STOM: variants seen among roughly 807,000 people sequenced by gnomAD.
STOM encodes the protein erythrocyte band 7 integral membrane protein.
A neutral mutation model predicts 30.6 loss-of-function variants in STOM; 25 were observed. The observed-to-expected ratio is 0.82, with a 90% confidence interval of 0.60 to 1.14. STOM has a LOEUF of 1.14. STOM is among the 50% of genes most tolerant of loss of function. STOM has a pLI of 0.00. For synonymous variants in STOM, 118 were observed against 130.8 expected (o/e 0.90, Z 0.67); for missense variants, 292 against 365.2 (o/e 0.80, Z 1.63).
In STOM at chr9:121,340,678, A is replaced by T. The variant is rs2064237896; in HGVS notation, c.*524T>A. 5 of 861,828 alleles carry T rather than the reference A, an allele frequency of 5.8e-6. 1 individual carries two copies. In the South Asian group the frequency reaches 1.6e-4, roughly 27 times the overall value. The allele number at this position is 861,828 out of a possible 1,614,324, so 53.4% of individuals were successfully genotyped here. A position where few individuals can be genotyped will look rare whatever the true frequency, so the allele number is the denominator to read the frequency against. ...GGCAGGAGAATCTCTTGAACCCAGGAGGCGGAGGTTGCAGTGAGCCGAGAT... is the reference window on the plus strand; with the variant it reads ...GGCAGGAGAATCTCTTGAACCCAGGTGGCGGAGGTTGCAGTGAGCCGAGAT... On this transcript the variant is annotated 3_prime_UTR_variant, in exon 7 of 7. Transcript: ENST00000286713.
At chr9:121,349,886 T>C (rs976421027) in intron 4 of STOM, among the ~76,000 whole-genome samples, 1 of 152,242 alleles carries the variant, frequency 6.6e-6, no homozygotes, top group African/African-American at 2.4e-5. Context: ...ATTTTTGTTT[T>C]AAGCTAAGAA....
intron 2 of STOM, among the ~76,000 whole-genome samples, chr9:121,355,115 C>T (rs748703505): frequency 7.3e-5 from 11 of 150,416 alleles, no homozygotes; most frequent in Non-Finnish European, 1.2e-4. Flanking sequence ...AAAAATTATC[C>T]GGGTATGGTG....
At chr9:121,355,718 C>T (rs1396727114) in intron 2 of STOM, among the ~76,000 whole-genome samples, 6 of 152,270 alleles carry the variant, frequency 3.9e-5, no homozygotes, top group African/African-American at 1.2e-4. Flanking sequence ...CAGCAAAGGT[C>T]ACACAATAAA....
intron 5 of STOM, 37 bp downstream of exon 5, chr9:121,349,083 A>G (rs771262490): frequency 1.2e-6 from 2 of 1,600,744 alleles, no homozygotes; most frequent in South Asian, 1.1e-5. Flanking sequence ...TTCATTTTTC[A>G]GCTTCTGGGG....
At chr9:121,351,857 A>G (rs1216434490) in intron 4 of STOM, among the ~76,000 whole-genome samples, 1 of 152,238 alleles carries the variant, frequency 6.6e-6, no homozygotes, top group East Asian at 1.9e-4. Context: ...TCACTAGTAT[A>G]AAATATTATG....
Position 121,353,257 on chromosome 9 carries a change from T to A in STOM, c.284A>T (p.Asp95Val). The change falls in exon 4 of 7, where the codon GAC becomes GTC. Residue 95 changes from aspartate (D) to valine (V), a missense_variant. By Grantham distance (152) the Asp-to-Val change is radical. Coordinates refer to ENST00000286713, the MANE Select transcript of STOM (RefSeq NM_004099.6). ...AATATCAAATGAAATAGTTCTCATG[T>A]CCACTTTGATGAAGCTGTCAGTGCA... Reference protein sequence around the residue: ...LPCTDSFIKVDMRTISFDIPP... With the variant: ...LPCTDSFIKVVMRTISFDIPP... 6.2e-7 allele frequency: 1 copy of A among 1,612,072 alleles called. No individual in the cohort carries two copies. Among genetic ancestry groups the A allele is most frequent in the Non-Finnish European group, 8.5e-7 (1 of 1,179,112 alleles).
chr9:121,356,638 T>C (rs896540842), intron 1 of STOM, among the ~76,000 whole-genome samples: 1 of 152,044 alleles, frequency 6.6e-6, no homozygotes, highest in Non-Finnish European at 1.5e-5. Context: ...GTGATTCAGG[T>C]GGCTGTCAGA....
chr9:121,353,113 A>G, intron 4 of STOM, 107 bp downstream of exon 4: 1 of 510,566 alleles, frequency 2.0e-6, no homozygotes, highest in Admixed American at 4.5e-5. Context: ...ACAAACAAAC[A>G]AAAATTTAAA....
intron 6 of STOM, 140 bp from the exon 7 acceptor site, chr9:121,341,548 A>G (rs759278385): frequency 3.7e-6 from 4 of 1,081,384 alleles, no homozygotes; most frequent in Non-Finnish European, 5.2e-6. Context: ...AAGAAAATCA[A>G]TTTCTACATA....
At chr9:121,348,465 G>A (rs1211518991) in intron 5 of STOM, among the ~76,000 whole-genome samples, 1 of 152,198 alleles carries the variant, frequency 6.6e-6, no homozygotes, top group African/African-American at 2.4e-5. Flanking sequence ...ATAAATGGCT[G>A]TGGCTATACT....
rs776475674 is a variant in STOM at position 121,349,219 on chromosome 9, T to G, written c.426A>C (p.Ala142=). The G allele has an allele frequency of 6.2e-7, 1 of 1,614,194 alleles. No individual in the cohort carries two copies. Among genetic ancestry groups the G allele is most frequent in the South Asian group, 1.1e-5 (1 of 91,084 alleles). ...AVANITNADS[A]TRLLAQTTLR... Reference sequence around the variant, plus strand: ...GAGTAGTTTGTGCCAAAAGACGGGTTGCTGAGTCAGCGTTGGTGATATTTG... The same window carrying G: ...GAGTAGTTTGTGCCAAAAGACGGGTGGCTGAGTCAGCGTTGGTGATATTTG... Residue 142 remains alanine (A), a synonymous_variant, in exon 5 of 7, where the codon GCA becomes GCC. Coordinates refer to ENST00000286713, the MANE Select transcript of STOM (RefSeq NM_004099.6).
At chr9:121,355,997 A>T in intron 2 of STOM, 56 bp downstream of exon 2, 1 of 1,329,640 alleles carries the variant, frequency 7.5e-7, no homozygotes, top group East Asian at 2.3e-5. Flanking sequence ...CACACGAAGT[A>T]GGTTTATGGA....
At chr9:121,345,501 T>G (rs1350385915) in intron 6 of STOM, among the ~76,000 whole-genome samples, 1 of 152,194 alleles carries the variant, frequency 6.6e-6, no homozygotes, top group African/African-American at 2.4e-5. Flanking sequence ...ATTTATTTGT[T>G]GAAGAAACTG....
At position 121,340,686 on chromosome 9, in the gene STOM, G is replaced by T; in HGVS notation, c.*516C>A. The T allele has an allele frequency of 1.1e-6, 1 of 907,440 alleles. No homozygotes were observed. Among genetic ancestry groups the T allele is most frequent in the Non-Finnish European group, 1.3e-6 (1 of 758,784 alleles). The allele number at this position is 907,440 out of a possible 1,614,324, so 56.2% of individuals were successfully genotyped here. ...AATCTCTTGAACCCAGGAGGCGGAG[G>T]TTGCAGTGAGCCGAGATCATGCTAT... On this transcript the variant is annotated 3_prime_UTR_variant, in exon 7 of 7. Transcript: ENST00000286713.
intron 2 of STOM, among the ~76,000 whole-genome samples, chr9:121,355,137 T>C (rs2064373455): frequency 6.9e-6 from 1 of 144,838 alleles, no homozygotes; most frequent in African/African-American, 2.6e-5. Context: ...TGGGTGCCTA[T>C]AATCCAAGCT....
Position 121,339,575 on chromosome 9 carries a change from C to T in STOM, c.*1627G>A, listed in dbSNP as rs1200049936. On this transcript the variant is annotated 3_prime_UTR_variant, in exon 7 of 7. Coordinates refer to ENST00000286713, the MANE Select transcript of STOM (RefSeq NM_004099.6). ...TGAGCTAAAGAGAGCTATAAAGGCT[C>T]GTGCTGGGAAAGAAAGCTGTTATGC... is the stretch of plus-strand genomic sequence containing the variant. 11 of 1,231,118 alleles carry T rather than the reference C, an allele frequency of 8.9e-6. No individual in the cohort carries two copies. The highest frequency in any genetic ancestry group is 3.2e-5 in the East Asian group (1 of 31,686). 76.3% of individuals were successfully genotyped at this position (1,231,118 alleles called of 1,614,324 possible).
chr9:121,355,677 G>A (rs2064382104), intron 2 of STOM, among the ~76,000 whole-genome samples: 1 of 152,126 alleles, frequency 6.6e-6, no homozygotes, highest in African/African-American at 2.4e-5. Flanking sequence ...AGTAGGTACT[G>A]TTACTTTCTC....
At chr9:121,361,107 G>GGAA (rs547764395) in intron 1 of STOM, among the ~76,000 whole-genome samples, 246 of 152,266 alleles carry the variant, frequency 1.6e-3, no homozygotes, top group Middle Eastern at 6.8e-3. Flanking sequence ...TTTTTACAGA[G>GGAA]GAAGCCCTCT....
intron 6 of STOM, among the ~76,000 whole-genome samples, chr9:121,345,684 T>A (rs1484676008): frequency 2.6e-5 from 4 of 152,160 alleles, no homozygotes; most frequent in Non-Finnish European, 5.9e-5. Context: ...CCCGTCCAAG[T>A]GGGAGCATGG....
Sources: gnomAD v4.1 joint callset for allele counts (sites outside exome capture counted in the v4.1 genomes callset) on GRCh38, gnomAD v4.1.1 for gene constraint, MANE v1.5 for transcripts, NCBI Gene and HGNC (gene_info 2026-07-23, HGNC 2026-07-21) for gene names.